FOXJ3: variants seen among roughly 807,000 people sequenced by gnomAD.
FOXJ3 encodes the protein forkhead box J3.
In FOXJ3, 22 loss-of-function variants were observed where a neutral mutation model predicts 76.1. The ratio of observed to expected loss-of-function variants is 0.29; its 90% CI spans 0.21 to 0.41. The LOEUF is 0.41. Among genes scored for constraint, FOXJ3 ranks in the 10% least tolerant of loss-of-function variants. The probability of loss-of-function intolerance (pLI) is 1.00; values close to 1 mark genes in which losing one functional copy is unlikely to be tolerated. For missense variants in FOXJ3, 613 were observed against 762.1 expected, an observed-to-expected ratio of 0.80 and a Z score of 2.30; for synonymous variants, 269 against 261.2, an observed-to-expected ratio of 1.03 and a Z score of -0.29.
chr1:42,289,807 C>G (rs1317066330), intron 2 of FOXJ3, among the ~76,000 whole-genome samples: 2 of 152,112 alleles, frequency 1.3e-5, no homozygotes, highest in African/African-American at 4.8e-5. Flanking sequence ...TTCAGAGGAT[C>G]ATAAATACAT....
intron 1 of FOXJ3, among the ~76,000 whole-genome samples, chr1:42,325,428 G>A (rs1655770924): frequency 6.6e-6 from 1 of 152,136 alleles, no homozygotes; most frequent in African/African-American, 2.4e-5. Flanking sequence ...AGATGCCAAG[G>A]ACATCTCTGA....
chr1:42,189,892 T>A (rs1262931943), intron 9 of FOXJ3: 1 of 153,774 alleles, frequency 6.5e-6, no homozygotes, highest in African/African-American at 2.4e-5. Context: ...CAACACATAG[T>A]ACAATTTAAT....
intron 1 of FOXJ3, among the ~76,000 whole-genome samples, chr1:42,320,585 G>T (rs1655373371): frequency 6.6e-6 from 1 of 152,084 alleles, no homozygotes; most frequent in African/African-American, 2.4e-5. Context: ...TATGAAATTA[G>T]ATCACATTAT....
intron 3 of FOXJ3, among the ~76,000 whole-genome samples, chr1:42,267,349 C>A (rs1434116731): frequency 6.6e-6 from 1 of 152,078 alleles, no homozygotes; most frequent in East Asian, 1.9e-4. Flanking sequence ...CGCACCCTCT[C>A]CAAGCACAAA....
intron 4 of FOXJ3, among the ~76,000 whole-genome samples, chr1:42,230,673 G>C (rs751103921): frequency 3.3e-5 from 5 of 152,134 alleles, no homozygotes; most frequent in Non-Finnish European, 7.4e-5. Context: ...TATAGCATTT[G>C]TATTTCAAAT....
At chr1:42,179,857 T>C in intron 12 of FOXJ3, 32 bp from the exon 13 acceptor site, 1 of 1,409,356 alleles carries the variant, frequency 7.1e-7, no homozygotes, top group Non-Finnish European at 1.0e-6. Context: ...TAGCAGCGAC[T>C]TGGGTAGAGA....
intron 6 of FOXJ3, among the ~76,000 whole-genome samples, chr1:42,203,782 G>A (rs944190457): frequency 2.0e-5 from 3 of 152,032 alleles, no homozygotes; most frequent in African/African-American, 7.2e-5. Context: ...GATCACCTGA[G>A]GTCAGGAGTT....
intron 5 of FOXJ3, among the ~76,000 whole-genome samples, chr1:42,221,354 A>G (rs568558819): frequency 6.6e-6 from 1 of 152,236 alleles, no homozygotes; most frequent in African/African-American, 2.4e-5. Flanking sequence ...AAAAGATTTA[A>G]GTTAAAAAGG....
At chr1:42,273,059 T>C (rs1487292157) in intron 3 of FOXJ3, among the ~76,000 whole-genome samples, 3 of 152,222 alleles carry the variant, frequency 2.0e-5, no homozygotes, top group Admixed American at 1.3e-4. Context: ...ATTTAGATTA[T>C]CATACTCCCC....
rs59583552 is a variant in FOXJ3, at chr1:42,309,001, C to CAAAAAAAAAA, written c.44+2039_44+2048dup. Among the ~76,000 whole-genome samples, 137 of 103,788 alleles carry CAAAAAAAAAA rather than the reference C, an allele frequency of 1.3e-3. 8 individuals carry two copies. The highest frequency in any genetic ancestry group is 3.3e-3 in the African/African-American group (89 of 26,896). The allele number at this position is 103,788 out of a possible 152,430, so 68.1% of individuals were successfully genotyped here. A position where few individuals can be genotyped will look rare whatever the true frequency, so the allele number is the denominator to read the frequency against. ...TAAAGAAATAACAACAGTCGTTTTA[C>CAAAAAAAAAA]AAAAAAAAAAAAAAAAATGCTTTTC... On this transcript the variant is annotated intron_variant, in intron 2 of 12. Transcript: ENST00000361346.
intron 1 of FOXJ3, among the ~76,000 whole-genome samples, chr1:42,328,676 A>AT (rs35507698): frequency 0.036 from 4,198 of 115,118 alleles, 107 homozygotes; most frequent in Non-Finnish European, 0.046. Flanking sequence ...TACTTATCCT[A>AT]TTTTTTTTTT....
chr1:42,264,035 G>A (rs1206135021), intron 4 of FOXJ3, among the ~76,000 whole-genome samples: 1 of 142,138 alleles, frequency 7.0e-6, no homozygotes, highest in Non-Finnish European at 1.5e-5. Flanking sequence ...CCAATTAGGA[G>A]CTACTACAAT....
intron 2 of FOXJ3, among the ~76,000 whole-genome samples, chr1:42,296,556 G>C (rs1421223991): frequency 6.6e-6 from 1 of 152,188 alleles, no homozygotes; most frequent in Non-Finnish European, 1.5e-5. Flanking sequence ...ATTGAATAGA[G>C]TGTTAATGTC....
intron 2 of FOXJ3, among the ~76,000 whole-genome samples, chr1:42,286,885 C>T (rs1445749855): frequency 6.6e-6 from 1 of 152,006 alleles, no homozygotes; most frequent in Non-Finnish European, 1.5e-5. Flanking sequence ...CCGCCTGCTT[C>T]GGCCTCCCAA....
intron 8 of FOXJ3, 53 bp from the exon 9 acceptor site, chr1:42,191,772 A>T: frequency 6.4e-7 from 1 of 1,563,250 alleles, no homozygotes; most frequent in East Asian, 2.3e-5. Flanking sequence ...ATTTTATGAC[A>T]AACATTTGTA....
intron 1 of FOXJ3, among the ~76,000 whole-genome samples, chr1:42,327,924 CTA>C (rs1655932096): frequency 6.6e-6 from 1 of 152,176 alleles, no homozygotes; most frequent in Non-Finnish European, 1.5e-5. Flanking sequence ...CTGGCCAACT[CTA>C]TGGAATCCAC....
chr1:42,231,363 ACT>A (rs1648095032), intron 4 of FOXJ3, among the ~76,000 whole-genome samples: 1 of 152,010 alleles, frequency 6.6e-6, no homozygotes, highest in Non-Finnish European at 1.5e-5. Context: ...AACGAGGGAT[ACT>A]CTGACACATA....
intron 3 of FOXJ3, among the ~76,000 whole-genome samples, chr1:42,272,251 T>C (rs1199043102): frequency 1.3e-5 from 2 of 152,146 alleles, no homozygotes; most frequent in African/African-American, 4.8e-5. Context: ...CCTCCCATTT[T>C]CCCACATCCT....
intron 4 of FOXJ3, among the ~76,000 whole-genome samples, chr1:42,241,615 G>A (rs1649150021): frequency 1.3e-5 from 2 of 152,186 alleles, no homozygotes; most frequent in Admixed American, 1.3e-4. Flanking sequence ...CCACCTATGA[G>A]TGATACATGA....
Sources: allele counts gnomAD v4.1 joint callset (sites outside exome capture counted in the v4.1 genomes callset), GRCh38; gene constraint gnomAD v4.1.1; transcripts MANE v1.5; gene names NCBI Gene and HGNC (gene_info 2026-07-23, HGNC 2026-07-21).